TMEM135: variants seen among roughly 807,000 people sequenced by gnomAD.
The protein encoded by TMEM135 is transmembrane protein 135, also known as peroxisomal membrane protein 52.
In TMEM135, 30 loss-of-function variants were observed where a neutral mutation model predicts 60.3. The ratio of observed to expected loss-of-function variants is 0.50; its 90% CI spans 0.37 to 0.68. The LOEUF is 0.68. Ranked by LOEUF, TMEM135 falls within the 30% of genes least tolerant of loss-of-function variation. TMEM135 has a pLI of 0.00. For missense variants in TMEM135, 468 were observed against 548.8 expected (o/e 0.85, Z 1.47); for synonymous variants, 190 against 186.7 (o/e 1.02, Z -0.14).
chr11:87,104,534 A>T (rs1857544930), intron 4 of TMEM135, among the ~76,000 whole-genome samples: 1 of 152,208 alleles, frequency 6.6e-6, no homozygotes, highest in Non-Finnish European at 1.5e-5. Flanking sequence ...CAGTATGAAC[A>T]TTTTAACAAT....
At chr11:87,118,416 CT>C (rs1355070156) in intron 4 of TMEM135, among the ~76,000 whole-genome samples, 2 of 151,848 alleles carry the variant, frequency 1.3e-5, no homozygotes, top group Non-Finnish European at 1.5e-5. Flanking sequence ...CATCAACAAT[CT>C]TGGCTAGATC....
Position 87,309,552 on chromosome 11 carries a change from C to G in TMEM135, c.816C>G (p.Leu272=), listed in dbSNP as rs1315042633. Residue 272 remains leucine, a synonymous_variant, in exon 10 of 15, where the codon CTC becomes CTG. Transcript: ENST00000305494. ...FSVGYLIQCC[L]RIPSAFRHLF... ...TGGGGTACTTGATCCAGTGCTGCCT[C>G]CGAATCCCTTCTGCATTTAGGCATC... The G allele has an allele frequency of 1.2e-6, 2 of 1,613,888 alleles. No homozygotes were observed. The highest frequency in any genetic ancestry group is 1.7e-6 in the Non-Finnish European group (2 of 1,179,826).
intron 5 of TMEM135, among the ~76,000 whole-genome samples, chr11:87,171,566 G>C (rs900663902): frequency 6.6e-6 from 1 of 152,100 alleles, no homozygotes; most frequent in Non-Finnish European, 1.5e-5. Context: ...TCGTCTGCAT[G>C]TCAGTAGACT....
chr11:87,286,176 G>A (rs1381482259), intron 6 of TMEM135, among the ~76,000 whole-genome samples: 2 of 152,058 alleles, frequency 1.3e-5, no homozygotes, highest in Non-Finnish European at 2.9e-5. Flanking sequence ...TAGACACAGA[G>A]CACTGATTGG....
chr11:87,176,781 A>G (rs1174629664), intron 5 of TMEM135, among the ~76,000 whole-genome samples: 1 of 152,114 alleles, frequency 6.6e-6, no homozygotes, highest in Non-Finnish European at 1.5e-5. Flanking sequence ...TTAGGGAGTG[A>G]GTGAATGAGA....
intron 3 of TMEM135, among the ~76,000 whole-genome samples, chr11:87,083,195 G>A (rs1325511028): frequency 1.1e-4 from 17 of 152,150 alleles, no homozygotes; most frequent in Admixed American, 1.1e-3. Context: ...GGTTCTGAGA[G>A]AGCTTTGAGG....
chr11:87,128,287 G>T (rs1937794786), intron 4 of TMEM135, among the ~76,000 whole-genome samples: 1 of 152,108 alleles, frequency 6.6e-6, no homozygotes, highest in African/African-American at 2.4e-5. Context: ...GTATGCATTT[G>T]CGTATACATG....
chr11:87,230,449 C>T (rs1377147379), intron 5 of TMEM135, among the ~76,000 whole-genome samples: 1 of 151,942 alleles, frequency 6.6e-6, no homozygotes, highest in Non-Finnish European at 1.5e-5. Flanking sequence ...ATGTATTGAG[C>T]ATCTATGATG....
chr11:87,205,136 G>A (rs1365489451), intron 5 of TMEM135, among the ~76,000 whole-genome samples: 1 of 152,146 alleles, frequency 6.6e-6, no homozygotes, highest in African/African-American at 2.4e-5. Flanking sequence ...ATCTGCTGCT[G>A]AAAGAAGTGT....
At chr11:87,202,305 C>T (rs77659632) in intron 5 of TMEM135, among the ~76,000 whole-genome samples, 13,568 of 152,062 alleles carry the variant, frequency 0.089, 668 homozygotes, top group African/African-American at 0.12. Context: ...GGATTACAGG[C>T]GTAAGCCGCC....
intron 5 of TMEM135, among the ~76,000 whole-genome samples, chr11:87,217,565 C>T (rs1296614047): frequency 6.6e-6 from 1 of 152,096 alleles, no homozygotes; most frequent in Non-Finnish European, 1.5e-5. Context: ...GTGGGCAGAT[C>T]ACCTGAGGAT....
chr11:87,212,615 A>G (rs1398931539), intron 5 of TMEM135, among the ~76,000 whole-genome samples: 4 of 152,010 alleles, frequency 2.6e-5, no homozygotes, highest in Admixed American at 2.6e-4. Context: ...TGAGCTCAGG[A>G]GTTTGAGACC....
intron 7 of TMEM135, among the ~76,000 whole-genome samples, chr11:87,298,786 C>CAAAAAAAAAAAAAAAAA (rs59740138): frequency 1.7e-5 from 1 of 57,716 alleles, no homozygotes; most frequent in African/African-American, 7.6e-5. Flanking sequence ...GACTCTGTCT[C>CAAAAAAAAAAAAAAAAA]AAAAAAAAAA....
At chr11:87,229,841 G>A (rs887073423) in intron 5 of TMEM135, among the ~76,000 whole-genome samples, 1 of 152,106 alleles carries the variant, frequency 6.6e-6, no homozygotes, top group African/African-American at 2.4e-5. Context: ...AAAAGTCTTA[G>A]AAGGGAACTT....
chr11:87,214,383 C>T (rs1940451349), intron 5 of TMEM135, among the ~76,000 whole-genome samples: 1 of 152,092 alleles, frequency 6.6e-6, no homozygotes, highest in Admixed American at 6.5e-5. Context: ...CAGTGCAGTA[C>T]AGTTTTTCTG....
At chr11:87,157,024 T>C (rs529702046) in intron 4 of TMEM135, among the ~76,000 whole-genome samples, 3 of 152,096 alleles carry the variant, frequency 2.0e-5, no homozygotes, top group Non-Finnish European at 4.4e-5. Flanking sequence ...TTGTGCCTTG[T>C]AGATGGTTCT....
At position 87,126,347 on chromosome 11, in the gene TMEM135, G is replaced by C. The variant is rs193216748; in HGVS notation, c.397-30994G>C. Among the ~76,000 whole-genome samples the C allele has an allele frequency of 3.2e-3, 490 of 151,956 alleles. 6 individuals carry two copies. The highest frequency in any genetic ancestry group is 0.011 in the African/African-American group (468 of 41,454). On this transcript the variant is annotated intron_variant, in intron 4 of 14. Transcript: ENST00000305494. Reference sequence around the variant, plus strand: ...AATGTATATTTATATGTATAAAATAGTGTCAAAAACATTTATATTAAAATT... The same window carrying C: ...AATGTATATTTATATGTATAAAATACTGTCAAAAACATTTATATTAAAATT...
At chr11:87,150,411 G>T (rs1175153887) in intron 4 of TMEM135, among the ~76,000 whole-genome samples, 2 of 151,990 alleles carry the variant, frequency 1.3e-5, no homozygotes, top group Non-Finnish European at 2.9e-5. Context: ...TCTTGTTTTG[G>T]TTTACACATT....
At chr11:87,135,491 A>ATGTT (rs1938066520) in intron 4 of TMEM135, among the ~76,000 whole-genome samples, 1 of 47,590 alleles carries the variant, frequency 2.1e-5, no homozygotes, top group South Asian at 8.1e-4. Context: ...TGAAGAGTTC[A>ATGTT]TCTTTTTTTT....
Sources: gnomAD v4.1 joint callset for allele counts (sites outside exome capture counted in the v4.1 genomes callset) on GRCh38, gnomAD v4.1.1 for gene constraint, MANE v1.5 for transcripts, NCBI Gene and HGNC (gene_info 2026-07-23, HGNC 2026-07-21) for gene names.